Variants in DPP6 observed in about 807,000 individuals in gnomAD.
DPP6 encodes the protein dipeptidyl peptidase like 6.
Under a neutral mutation model 122.6 loss-of-function variants are expected in DPP6, and 69 were observed. That is an observed-to-expected ratio of 0.56 (90% CI 0.46 to 0.69). DPP6 has a LOEUF of 0.69. DPP6 is among the 30% of genes least tolerant of loss of function. The pLI is 0.00. For missense variants in DPP6, 928 were observed against 1,116.9 expected (o/e 0.83, Z 2.41); for synonymous variants, 418 against 433.1 (o/e 0.97, Z 0.43).
intron 1 of DPP6, chr7:154,305,335 T>TGGGGGCGC: frequency 9.8e-7 from 1 of 1,024,760 alleles, no homozygotes; most frequent in Non-Finnish European, 1.2e-6. Context: ...TCGTCTTGTC[T>TGGGGGCGC]ACCCACCCTC....
intron 4 of DPP6, among the ~76,000 whole-genome samples, chr7:154,541,589 T>C (rs1828734258): frequency 1.3e-5 from 2 of 152,170 alleles, no homozygotes; most frequent in Admixed American, 1.3e-4. Flanking sequence ...AATAAATAAA[T>C]CTCCAACTCA....
chr7:154,506,729 T>G (rs1825694324), intron 3 of DPP6, among the ~76,000 whole-genome samples: 1 of 152,216 alleles, frequency 6.6e-6, no homozygotes, highest in Non-Finnish European at 1.5e-5. Context: ...TGATTTCTCC[T>G]TTCTCTCTTA....
In DPP6 at chr7:154,732,206, A is replaced by AT. The variant is rs5888591; in HGVS notation, c.883+4331dup. Among the ~76,000 whole-genome samples, 1,024 of 149,202 alleles carry AT rather than the reference A, an allele frequency of 6.9e-3. 10 individuals are homozygous for AT. Among genetic ancestry groups the AT allele is most frequent in the African/African-American group, 0.023 (951 of 40,686 alleles). On this transcript the variant is annotated intron_variant, in intron 8 of 25. Transcript: ENST00000377770. Reference sequence around the variant, plus strand: ...AGGCGCCTGCCACCATGCCCGGCTAATTTTTTTTTTTTGGTATTTTTAGTA... The same window carrying AT: ...AGGCGCCTGCCACCATGCCCGGCTAATTTTTTTTTTTTTGGTATTTTTAGTA...
At chr7:153,804,662 A>T in the DPP6 span, among the ~76,000 whole-genome samples, 6 of 152,198 alleles carry the variant, frequency 3.9e-5, no homozygotes, top group East Asian at 7.8e-4. Context: ...TGGGAGACTG[A>T]GGTGGGTGAA....
intron 1 of DPP6, among the ~76,000 whole-genome samples, chr7:154,036,027 T>TAC (rs1563120681): frequency 4.2e-5 from 5 of 119,882 alleles, no homozygotes; most frequent in African/African-American, 5.9e-5. Flanking sequence ...CGCTTGTGTG[T>TAC]GTGTGTGTGT....
intron 1 of DPP6, among the ~76,000 whole-genome samples, chr7:153,902,213 A>G (rs981895813): frequency 4.6e-5 from 7 of 152,232 alleles, no homozygotes; most frequent in South Asian, 2.1e-4. Context: ...CATGTTTTCA[A>G]GATAAACAGT....
rs538043950 is a variant in DPP6, at chr7:154,370,274, C to T, written c.244-75940C>T. Among the ~76,000 whole-genome samples the T allele has an allele frequency of 8.3e-4, 126 of 151,770 alleles. 1 individual carries two copies. The highest frequency in any genetic ancestry group is 2.9e-3 in the South Asian group (14 of 4,808). On this transcript the variant is annotated intron_variant, in intron 1 of 25. Coordinates refer to ENST00000377770, the MANE Select transcript of DPP6 (RefSeq NM_130797.4). ...CTAGGATTATAGGCATGAGCCACCA[C>T]GCTGGGCTGGATATATGCATTTAAT...
Position 154,689,563 on chromosome 7 carries a change from T to C in DPP6, c.762+20122T>C, listed in dbSNP as rs976903329. Among the ~76,000 whole-genome samples the C allele has an allele frequency of 3.3e-5, 5 of 151,966 alleles. No homozygotes were observed. The South Asian group carries it at 1.0e-3, about 31-fold the overall frequency. Reference sequence around the variant, plus strand: ...TAATATATACCTAGCTAGATTTTTTTAACATATTTTCTTTAGGATTTTTGC... The same window carrying C: ...TAATATATACCTAGCTAGATTTTTTCAACATATTTTCTTTAGGATTTTTGC... On this transcript the variant is annotated intron_variant, in intron 7 of 25. Transcript: ENST00000377770.
chr7:154,786,436 G>T (rs1039362705), intron 10 of DPP6, among the ~76,000 whole-genome samples: 2 of 152,154 alleles, frequency 1.3e-5, no homozygotes, highest in Non-Finnish European at 2.9e-5. Context: ...GACTTTGTGG[G>T]AGGTAATTGA....
chr7:153,752,115 C>T, the DPP6 span, among the ~76,000 whole-genome samples: 1 of 152,134 alleles, frequency 6.6e-6, no homozygotes, highest in Non-Finnish European at 1.5e-5. Flanking sequence ...GTGTGGGGCT[C>T]GCAGCAGGAC....
intron 2 of DPP6, among the ~76,000 whole-genome samples, chr7:154,459,820 A>AAAAG (rs1821129529): frequency 6.7e-6 from 1 of 148,792 alleles, no homozygotes; most frequent in Non-Finnish European, 1.5e-5. Context: ...AAAAAAAAAA[A>AAAAG]AAAAGAAAAG....
intron 4 of DPP6, among the ~76,000 whole-genome samples, chr7:154,563,970 A>C (rs1336956827): frequency 6.6e-6 from 1 of 152,174 alleles, no homozygotes; most frequent in Non-Finnish European, 1.5e-5. Context: ...TCCAAATATC[A>C]ATCCTTGAGC....
chr7:153,977,663 C>A (rs1460764521), intron 1 of DPP6, among the ~76,000 whole-genome samples: 2 of 152,026 alleles, frequency 1.3e-5, no homozygotes, highest in African/African-American at 4.8e-5. Flanking sequence ...ACCCATCAAC[C>A]CGTCATCTAC....
At chr7:154,187,738 A>C (rs1798418901) in intron 1 of DPP6, among the ~76,000 whole-genome samples, 2 of 152,090 alleles carry the variant, frequency 1.3e-5, no homozygotes, top group South Asian at 4.2e-4. Context: ...CTCCTCCCTA[A>C]GCTTCAGTTT....
At chr7:154,487,852 T>A (rs993848660) in intron 3 of DPP6, among the ~76,000 whole-genome samples, 7 of 152,198 alleles carry the variant, frequency 4.6e-5, no homozygotes, top group Non-Finnish European at 8.8e-5. Context: ...AAAGACTCAC[T>A]TGATCTCTTC....
intron 16 of DPP6, among the ~76,000 whole-genome samples, chr7:154,818,403 G>A (rs921404186): frequency 6.6e-6 from 1 of 152,184 alleles, no homozygotes; most frequent in Non-Finnish European, 1.5e-5. Context: ...GATCAACAGT[G>A]TAAGCAGGCA....
chr7:154,214,858 C>T (rs1799916662), intron 1 of DPP6, among the ~76,000 whole-genome samples: 1 of 152,102 alleles, frequency 6.6e-6, no homozygotes, highest in Non-Finnish European at 1.5e-5. Flanking sequence ...GTCAAGGATG[C>T]TGTGAGTCAT....
At chr7:154,419,193 T>C (rs139904695) in intron 1 of DPP6, among the ~76,000 whole-genome samples, 3 of 152,344 alleles carry the variant, frequency 2.0e-5, no homozygotes, top group African/African-American at 7.2e-5. Context: ...TCATTCCTCT[T>C]TCCTTGAATG....
At chr7:154,143,612 T>A (rs886169022) in intron 1 of DPP6, among the ~76,000 whole-genome samples, 7 of 152,248 alleles carry the variant, frequency 4.6e-5, no homozygotes, top group Non-Finnish European at 8.8e-5. Flanking sequence ...TAGGCATCTA[T>A]AGTCCAACTT....
Sources: allele counts gnomAD v4.1 joint callset (sites outside exome capture counted in the v4.1 genomes callset), GRCh38; gene constraint gnomAD v4.1.1; transcripts MANE v1.5; gene names NCBI Gene and HGNC (gene_info 2026-07-23, HGNC 2026-07-21).